RASSF8: variants seen among roughly 807,000 people sequenced by gnomAD.
RASSF8 encodes the protein Ras association domain family member 8, also known as ras association domain-containing protein 8.
Under a neutral mutation model 48.5 loss-of-function variants are expected in RASSF8, and 22 were observed. The observed-to-expected ratio is 0.45, with a 90% confidence interval of 0.32 to 0.65. The LOEUF (loss-of-function observed/expected upper bound fraction) is 0.65. Among genes scored for constraint, RASSF8 ranks in the 30% least tolerant of loss-of-function variants. The pLI, the probability that RASSF8 is intolerant of heterozygous loss-of-function variation, is 0.03. For synonymous variants in RASSF8, 127 were observed against 171.5 expected (o/e 0.74, Z 2.03); for missense variants, 418 against 489.2 (o/e 0.85, Z 1.37).
intron 2 of RASSF8, among the ~76,000 whole-genome samples, chr12:26,036,983 A>G (rs764505880): frequency 2.0e-5 from 3 of 152,142 alleles, no homozygotes; most frequent in Non-Finnish European, 4.4e-5. Context: ...TCTAAGTGAT[A>G]GGAAGTTGGT....
chr12:26,010,096 C>G (rs12812200), intron 2 of RASSF8, among the ~76,000 whole-genome samples: 1 of 152,162 alleles, frequency 6.6e-6, no homozygotes, highest in Non-Finnish European at 1.5e-5. Flanking sequence ...AGGCCCCCCA[C>G]GTGCCATGGC....
Position 26,072,862 on chromosome 12 carries a change from T to C in RASSF8, c.*4044T>C, listed in dbSNP as rs1944027486. ...CCAAATAATAAATTTTCAGGATTCA[T>C]TGGGGCATTACAGTTGTCAGTTTGT... On this transcript the variant is annotated 3_prime_UTR_variant, in exon 6 of 6. Coordinates refer to ENST00000689635, the MANE Select transcript of RASSF8 (RefSeq NM_001394098.1). 3.3e-6 allele frequency: 3 copies of C among 898,962 alleles called. No individual in the cohort carries two copies. The highest frequency in any genetic ancestry group is 4.0e-6 in the Non-Finnish European group (3 of 751,392). 55.7% of individuals were successfully genotyped at this position (898,962 alleles called of 1,614,324 possible). A position where few individuals can be genotyped will look rare whatever the true frequency, so the allele number is the denominator to read the frequency against.
At chr12:25,997,079 A>G (rs1285393491) in intron 2 of RASSF8, among the ~76,000 whole-genome samples, 1 of 152,154 alleles carries the variant, frequency 6.6e-6, no homozygotes, top group Non-Finnish European at 1.5e-5. Flanking sequence ...CTTTTACAGC[A>G]TGTGATATTA....
intron 5 of RASSF8, among the ~76,000 whole-genome samples, chr12:26,068,452 C>T (rs767233514): frequency 1.8e-4 from 28 of 151,714 alleles, no homozygotes; most frequent in Non-Finnish European, 3.4e-4. Context: ...TGTGAACAAC[C>T]AAAAAAAGAA....
intron 2 of RASSF8, among the ~76,000 whole-genome samples, chr12:26,034,130 G>A (rs899372763): frequency 9.9e-5 from 15 of 151,982 alleles, no homozygotes; most frequent in African/African-American, 3.6e-4. Flanking sequence ...ACAAAGGTGG[G>A]GAGTAGTTGA....
At chr12:25,984,361 G>C (rs1490153516) in intron 1 of RASSF8, among the ~76,000 whole-genome samples, 1 of 151,348 alleles carries the variant, frequency 6.6e-6, no homozygotes, top group Non-Finnish European at 1.5e-5. Flanking sequence ...TTACAGGTGT[G>C]AGATGGAGTT....
chr12:26,042,612 A>G (rs551025329), intron 2 of RASSF8, among the ~76,000 whole-genome samples: 122 of 150,386 alleles, frequency 8.1e-4, no homozygotes, highest in African/African-American at 2.9e-3. Context: ...TACTGTGCTG[A>G]TTTTTTTTTC....
chr12:26,068,687 TC>T lies in RASSF8; in HGVS notation c.1139-8del. 1 of 1,535,058 alleles carries T rather than the reference TC, an allele frequency of 6.5e-7. No homozygotes were observed. The highest frequency in any genetic ancestry group is 8.7e-7 in the Non-Finnish European group (1 of 1,144,880). ...AGCTCATCAGGTGGCTCTCTTTGTT[TC>T]CTGTTTAGAGGCACCATTCCAGTCT... is the stretch of plus-strand genomic sequence containing the variant. On this transcript the variant is annotated splice_polypyrimidine_tract_variant and intron_variant, in intron 5 of 5. Coordinates refer to ENST00000689635, the MANE Select transcript of RASSF8 (RefSeq NM_001394098.1).
intron 5 of RASSF8, among the ~76,000 whole-genome samples, chr12:26,077,971 C>T (rs896803978): frequency 6.6e-6 from 1 of 152,088 alleles, no homozygotes; most frequent in Non-Finnish European, 1.5e-5. Flanking sequence ...AGGTCAAAAT[C>T]GAGGTTAATT....
intron 1 of RASSF8, among the ~76,000 whole-genome samples, chr12:25,979,920 GA>G (rs1941699228): frequency 6.6e-6 from 1 of 152,180 alleles, no homozygotes; most frequent in South Asian, 2.1e-4. Flanking sequence ...AGCAGGTAGG[GA>G]AGGCAGCTGC....
intron 2 of RASSF8, among the ~76,000 whole-genome samples, chr12:26,014,638 T>C (rs927786429): frequency 6.6e-6 from 1 of 152,176 alleles, no homozygotes; most frequent in African/African-American, 2.4e-5. Flanking sequence ...CAAATAGATA[T>C]TTGAAATAAG....
chr12:26,035,770 T>C (rs975622923), intron 2 of RASSF8, among the ~76,000 whole-genome samples: 17 of 145,250 alleles, frequency 1.2e-4, no homozygotes, highest in African/African-American at 4.2e-4. Context: ...TATCACTATA[T>C]ATCTGATATA....
chr12:26,042,718 A>C (rs1943291787), intron 2 of RASSF8, among the ~76,000 whole-genome samples: 1 of 152,112 alleles, frequency 6.6e-6, no homozygotes, highest in Non-Finnish European at 1.5e-5. Context: ...CATTTTTAAA[A>C]TATTTATAAA....
chr12:25,972,860 A>G (rs1941514654), intron 1 of RASSF8, among the ~76,000 whole-genome samples: 3 of 152,218 alleles, frequency 2.0e-5, no homozygotes, highest in South Asian at 4.1e-4. Context: ...CATTATCAGC[A>G]TCTCCATAGG....
At chr12:26,053,147 A>G (rs1435110214) in intron 2 of RASSF8, among the ~76,000 whole-genome samples, 2 of 151,674 alleles carry the variant, frequency 1.3e-5, no homozygotes, top group Non-Finnish European at 2.9e-5. Context: ...GTACTTAAAA[A>G]TGTGTTAAAT....
intron 1 of RASSF8, among the ~76,000 whole-genome samples, chr12:25,965,446 C>G (rs1006248031): frequency 6.8e-5 from 10 of 147,780 alleles, no homozygotes; most frequent in Admixed American, 6.3e-4. Context: ...GCTCACTCAA[C>G]CACTGCCTCC....
intron 2 of RASSF8, among the ~76,000 whole-genome samples, chr12:26,017,717 C>T (rs1206251001): frequency 6.6e-6 from 1 of 152,232 alleles, no homozygotes; most frequent in Admixed American, 6.5e-5. Flanking sequence ...TGCTGCAGGA[C>T]CTGCAGACTG....
rs531963100 is a variant in RASSF8, at chr12:26,060,343, C to G, written c.104-4155C>G. 5.1e-4 allele frequency among the ~76,000 whole-genome samples: 77 copies of G among 152,168 alleles called. 2 individuals are homozygous for G. The South Asian group carries it at 0.015, about 29-fold the overall frequency. On this transcript the variant is annotated intron_variant, in intron 3 of 5. Transcript: ENST00000689635. ...TGCACAACTGGCTGACAGGTATATT[C>G]AGAGATAATTTTTTATTGTATCACT...
intron 5 of RASSF8, among the ~76,000 whole-genome samples, chr12:26,078,135 G>T (rs1944087383): frequency 6.6e-6 from 1 of 152,156 alleles, no homozygotes; most frequent in African/African-American, 2.4e-5. Context: ...AGACACTGGA[G>T]ATATAGCAGT....
Sources: allele counts gnomAD v4.1 joint callset (sites outside exome capture counted in the v4.1 genomes callset), GRCh38; gene constraint gnomAD v4.1.1; transcripts MANE v1.5; gene names NCBI Gene and HGNC (gene_info 2026-07-23, HGNC 2026-07-21).